LRRCC1: variants seen among roughly 807,000 people sequenced by gnomAD.
The protein encoded by LRRCC1 is leucine-rich repeat and coiled-coil domain-containing protein 1.
In LRRCC1, 115 loss-of-function variants were observed where a neutral mutation model predicts 126.0. The observed-to-expected ratio is 0.91, with a 90% CI of 0.78 to 1.07. The LOEUF (loss-of-function observed/expected upper bound fraction) is 1.07. Ranked by LOEUF, LRRCC1 falls within the 50% of genes least tolerant of loss-of-function variation. The probability of loss-of-function intolerance (pLI) is 0.00; values close to 1 mark genes in which losing one functional copy is unlikely to be tolerated. For synonymous variants in LRRCC1, 400 were observed against 393.4 expected, an observed-to-expected ratio of 1.02 and a Z score of -0.20; for missense variants, 1,172 against 1,175.7, an observed-to-expected ratio of 1.00 and a Z score of 0.05.
At chr8:85,127,338 A>G (rs754284183) in intron 9 of LRRCC1, among the ~76,000 whole-genome samples, 10 of 151,938 alleles carry the variant, frequency 6.6e-5, no homozygotes, top group Admixed American at 1.3e-4. Context: ...ATTCTTTAAT[A>G]CAGGTCTGTC....
intron 12 of LRRCC1, 86 bp downstream of exon 12, chr8:85,132,047 T>A: frequency 9.1e-7 from 1 of 1,100,988 alleles, no homozygotes; most frequent in Non-Finnish European, 1.3e-6. Flanking sequence ...AACATAGCTG[T>A]ATTAAATGTT....
In LRRCC1 at chr8:85,130,051, G is replaced by A. The variant is rs1005368103; in HGVS notation, c.1759G>A (p.Glu587Lys). The A allele has an allele frequency of 5.7e-6, 9 of 1,570,682 alleles. No homozygotes were observed. The highest frequency in any genetic ancestry group is 7.7e-6 in the Non-Finnish European group (9 of 1,164,902). The change falls in exon 11 of 19, where the codon GAA becomes AAA. Residue 587 changes from glutamate (E) to lysine (K), a missense_variant. Coordinates refer to ENST00000360375, the MANE Select transcript of LRRCC1 (RefSeq NM_033402.5). The part of the protein sequence containing the change: ...LHQLLALKEQ[E>K]HRKELETREF... ...TCAACTTCTTGCATTGAAAGAACAGGAACACAGGTAAATGAAAAATGTATC... is the reference window on the plus strand; with the variant it reads ...TCAACTTCTTGCATTGAAAGAACAGAAACACAGGTAAATGAAAAATGTATC...
chr8:85,113,716 ATAT>A (rs1035026838), intron 4 of LRRCC1, among the ~76,000 whole-genome samples: 1 of 152,106 alleles, frequency 6.6e-6, no homozygotes, highest in Non-Finnish European at 1.5e-5. Context: ...TTCGAATTTC[ATAT>A]TATGTGAATT....
chr8:85,134,973 CA>C lies in LRRCC1; in HGVS notation c.2101del (p.Thr701GlnfsTer9). The C allele has an allele frequency of 6.4e-7, 1 of 1,555,348 alleles. No individual in the cohort carries two copies. The highest frequency in any genetic ancestry group is 1.2e-5 in the South Asian group (1 of 80,018). ...IKDLTCMVKEQKTKLAEVSKL... is the reference protein window; with the variant it reads ...IKDLTCMVKEXKTKLAEVSKL... ...AGATCTGACCTGTATGGTAAAGGAA[CA>C]AAAAACAAAACTGGCAGAAGTTTCT... On this transcript the variant is annotated frameshift_variant, in exon 13 of 19. Transcript: ENST00000360375. LOFTEE classifies it high-confidence loss of function.
intron 8 of LRRCC1, 85 bp downstream of exon 8, chr8:85,125,024 A>C: frequency 1.0e-6 from 1 of 959,550 alleles, no homozygotes; most frequent in Non-Finnish European, 1.5e-6. Flanking sequence ...TTTTATTAGC[A>C]AAAAGTGTTT....
intron 4 of LRRCC1, among the ~76,000 whole-genome samples, chr8:85,114,673 C>T (rs1390614587): frequency 2.6e-5 from 4 of 151,994 alleles, no homozygotes; most frequent in Non-Finnish European, 4.4e-5. Flanking sequence ...GCTGAGACCT[C>T]GCTAGGGAAA....
intron 6 of LRRCC1, among the ~76,000 whole-genome samples, chr8:85,120,217 A>G (rs1809433292): frequency 2.0e-5 from 3 of 152,004 alleles, no homozygotes; most frequent in African/African-American, 7.3e-5. Flanking sequence ...TTAAGTCAGG[A>G]TGATTCATAG....
At chr8:85,130,174 C>G (rs1023662276) in intron 11 of LRRCC1, 116 bp downstream of exon 11, 2 of 746,124 alleles carry the variant, frequency 2.7e-6, no homozygotes, top group Non-Finnish European at 3.9e-6. Flanking sequence ...CTTGCTCTGT[C>G]GTCCAGGCTG....
intron 6 of LRRCC1, among the ~76,000 whole-genome samples, chr8:85,118,331 C>A (rs1809273263): frequency 6.6e-6 from 1 of 151,978 alleles, no homozygotes; most frequent in Non-Finnish European, 1.5e-5. Flanking sequence ...AGTAGAGCTG[C>A]AATGAATATT....
intron 12 of LRRCC1, among the ~76,000 whole-genome samples, chr8:85,132,375 CTTTTTTTTTTTTTTTTT>C (rs551423793): frequency 9.1e-6 from 1 of 109,960 alleles, no homozygotes; most frequent in Non-Finnish European, 1.8e-5. Context: ...TGAGTACTTT[CTTTTTTTTTTTTTTTTT>C]TTTTTTTTTT....
Position 85,126,730 on chromosome 8 carries a change from G to T in LRRCC1, c.1314G>T (p.Trp438Cys). ...EQLDQEREKRWRAEQAENKLM... is the reference protein window; with the variant it reads ...EQLDQEREKRCRAEQAENKLM... ...TAGACCAAGAGAGAGAGAAGAGATG[G>T]AGAGCTGAGCAAGCCGAAAATAAAC... The change falls in exon 9 of 19, where the codon TGG (tryptophan) becomes TGT (cysteine). Residue 438 changes from tryptophan to cysteine, a missense_variant. By Grantham distance (215) the Trp-to-Cys change is radical. Coordinates refer to ENST00000360375, the MANE Select transcript of LRRCC1 (RefSeq NM_033402.5). 2 of 1,612,868 alleles carry T rather than the reference G, an allele frequency of 1.2e-6. No homozygotes were observed.
At position 85,129,322 on chromosome 8, in the gene LRRCC1, C is replaced by T; in HGVS notation, c.1569C>T (p.Thr523=). The T allele has an allele frequency of 1.9e-6, 3 of 1,612,298 alleles. No individual in the cohort carries two copies. Among genetic ancestry groups the T allele is most frequent in the Non-Finnish European group, 2.5e-6 (3 of 1,179,578 alleles). The part of the protein sequence containing the change: ...QQEDHLKHLR[T]LEKTLEKMER... Reference sequence around the variant, plus strand: ...AGGATCACCTTAAACACTTAAGAACCCTCGAAAAAACATTAGAAAAAATGG... The same window carrying T: ...AGGATCACCTTAAACACTTAAGAACTCTCGAAAAAACATTAGAAAAAATGG... The change falls in exon 10 of 19, where the codon ACC becomes ACT. Residue 523 remains threonine, a synonymous_variant. Coordinates refer to ENST00000360375, the MANE Select transcript of LRRCC1 (RefSeq NM_033402.5).
Position 85,127,993 on chromosome 8 carries a change from G to T in LRRCC1, c.1421+1156G>T, listed in dbSNP as rs1048720513. Among the ~76,000 whole-genome samples, 3 of 152,216 alleles carry T rather than the reference G, an allele frequency of 2.0e-5. No homozygotes were observed. In the South Asian group the frequency reaches 6.2e-4, roughly 31 times the overall value. Reference sequence around the variant, plus strand: ...GAGTAACCAACATTATGTAGTGACAGATTTATAGAGATCTTGTGACTGAGT... The same window carrying T: ...GAGTAACCAACATTATGTAGTGACATATTTATAGAGATCTTGTGACTGAGT... On this transcript the variant is annotated intron_variant, in intron 9 of 18. Coordinates refer to ENST00000360375, the MANE Select transcript of LRRCC1 (RefSeq NM_033402.5).
chr8:85,107,896 C>G (rs1401478225), intron 1 of LRRCC1, among the ~76,000 whole-genome samples: 3 of 152,186 alleles, frequency 2.0e-5, no homozygotes, highest in East Asian at 3.8e-4. Context: ...ATCATTTGTC[C>G]GTTACAGAAC....
Position 85,135,869 on chromosome 8 carries a change from A to C in LRRCC1, c.2235A>C (p.Lys745Asn), listed in dbSNP as rs1466172164. ...SIQIELLKHE[K>N]VQLISELAAK... The stretch of plus-strand genomic sequence containing the variant: ...AAATAGAACTTCTCAAGCACGAAAA[A>C]GTCCAGCTTATTTCTGAGCTAGCAG... Residue 745 changes from lysine to asparagine, a missense_variant, in exon 14 of 19, where the codon AAA (lysine) becomes AAC (asparagine). Physicochemically the swap from Lys to Asn is moderately conservative, Grantham distance 94. Coordinates refer to ENST00000360375, the MANE Select transcript of LRRCC1 (RefSeq NM_033402.5). 1 of 1,608,070 alleles carries C rather than the reference A, an allele frequency of 6.2e-7. No individual in the cohort carries two copies. Among genetic ancestry groups the C allele is most frequent in the Non-Finnish European group, 8.5e-7 (1 of 1,176,730 alleles).
At chr8:85,138,593 G>T in intron 17 of LRRCC1, 118 bp downstream of exon 17, 1 of 1,064,448 alleles carries the variant, frequency 9.4e-7, no homozygotes, top group Non-Finnish European at 1.4e-6. Context: ...TATTTGCCAA[G>T]AAGTTTATTT....
rs1299127195 is a variant in LRRCC1, at chr8:85,137,620, TA to T, written c.2490del (p.Asp831IlefsTer20). ...IDDQTETIRK[L>X]KDCLQEKDEH... ...GACCAAACTGAAACTATTAGAAAATTAAAAGATGTAAGTTTGACATTTTATT... is the reference window on the plus strand; with the variant it reads ...GACCAAACTGAAACTATTAGAAAATTAAAGATGTAAGTTTGACATTTTATT... On this transcript the variant is annotated frameshift_variant, in exon 15 of 19. Transcript: ENST00000360375. LOFTEE classifies it high-confidence loss of function. 4.2e-6 allele frequency: 6 copies of T among 1,445,370 alleles called. No homozygotes were observed. Among genetic ancestry groups the T allele is most frequent in the Non-Finnish European group, 5.5e-6 (6 of 1,099,062 alleles). The allele number at this position is 1,445,370 out of a possible 1,614,324, so 89.5% of individuals were successfully genotyped here. A position where few individuals can be genotyped will look rare whatever the true frequency, so the allele number is the denominator to read the frequency against.
At chr8:85,139,650 A>G (rs945494331) in intron 17 of LRRCC1, among the ~76,000 whole-genome samples, 1 of 152,206 alleles carries the variant, frequency 6.6e-6, no homozygotes, top group African/African-American at 2.4e-5. Flanking sequence ...AAGAGGAAAT[A>G]AGGTTTTACT....
intron 6 of LRRCC1, among the ~76,000 whole-genome samples, chr8:85,119,978 C>T (rs1809414538): frequency 6.6e-6 from 1 of 152,122 alleles, no homozygotes; most frequent in African/African-American, 2.4e-5. Context: ...TGATTTCTTC[C>T]TTGATCCAAG....
Sources: allele counts gnomAD v4.1 joint callset (sites outside exome capture counted in the v4.1 genomes callset), GRCh38; gene constraint gnomAD v4.1.1; transcripts MANE v1.5; gene names NCBI Gene and HGNC (gene_info 2026-07-23, HGNC 2026-07-21).